RANBP17: variants seen among roughly 807,000 people sequenced by gnomAD.
RANBP17 encodes ran-binding protein 17.
In RANBP17, 158 loss-of-function variants were observed where a neutral mutation model predicts 141.2. That is an observed-to-expected ratio of 1.12 (90% CI 0.98 to 1.28). The LOEUF is 1.28. Ranked by LOEUF, RANBP17 falls within the 50% of genes most tolerant of loss-of-function variation. RANBP17 has a pLI of 0.00. For missense variants in RANBP17, 1,438 were observed against 1,290.7 expected (o/e 1.11, Z -1.75); for synonymous variants, 430 against 450.0 (o/e 0.96, Z 0.56).
At chr5:170,947,472 A>G (rs899220560) in intron 12 of RANBP17, among the ~76,000 whole-genome samples, 2 of 152,156 alleles carry the variant, frequency 1.3e-5, no homozygotes, top group African/African-American at 4.8e-5. Flanking sequence ...GATTTAAAAT[A>G]ATGAAGCAAG....
Position 171,299,002 on chromosome 5 carries a change from G to A in RANBP17, c.*144G>A, listed in dbSNP as rs940834075. On this transcript the variant is annotated 3_prime_UTR_variant, in exon 28 of 28. Transcript: ENST00000523189. Reference sequence around the variant, plus strand: ...CAGCAAAAGCCCTAACTTCTTATACGTCTAGCCTAATTATAAGAATTTCTA... The same window carrying A: ...CAGCAAAAGCCCTAACTTCTTATACATCTAGCCTAATTATAAGAATTTCTA... The A allele has an allele frequency of 9.6e-6, 5 of 520,506 alleles. No homozygotes were observed. The highest frequency in any genetic ancestry group is 6.6e-5 in the Admixed American group (2 of 30,488). The allele number at this position is 520,506 out of a possible 1,614,324, so 32.2% of individuals were successfully genotyped here. A position where few individuals can be genotyped will look rare whatever the true frequency, so the allele number is the denominator to read the frequency against.
At position 171,060,768 on chromosome 5, in the gene RANBP17, A is replaced by G. The variant is rs1046642396; in HGVS notation, c.1710+92391A>G. On this transcript the variant is annotated intron_variant, in intron 14 of 27. Transcript: ENST00000523189. ...AGTTCCTCCTTGTACCTCTGGTAGA[A>G]TTCGGCTGTGAATCCATCTGGTCCT... is the stretch of plus-strand genomic sequence containing the variant. Among the ~76,000 whole-genome samples, 207 of 152,204 alleles carry G rather than the reference A, an allele frequency of 1.4e-3. 1 individual carries two copies. Among genetic ancestry groups the G allele is most frequent in the African/African-American group, 4.9e-3 (202 of 41,538 alleles).
At chr5:171,148,478 A>C (rs909805515) in intron 14 of RANBP17, among the ~76,000 whole-genome samples, 5 of 152,218 alleles carry the variant, frequency 3.3e-5, no homozygotes, top group Admixed American at 3.3e-4. Flanking sequence ...ACCCCATTTA[A>C]AGTACGAATT....
At chr5:171,181,598 A>C (rs1311693871) in intron 16 of RANBP17, among the ~76,000 whole-genome samples, 1 of 152,256 alleles carries the variant, frequency 6.6e-6, no homozygotes, top group East Asian at 1.9e-4. Flanking sequence ...ATTTTAAATA[A>C]GCAGGTATAT....
intron 18 of RANBP17, among the ~76,000 whole-genome samples, chr5:171,185,832 A>G (rs889693687): frequency 5.3e-5 from 8 of 152,246 alleles, no homozygotes; most frequent in Admixed American, 3.3e-4. Flanking sequence ...TCTTAGTGGT[A>G]TCCAGAATGG....
intron 14 of RANBP17, among the ~76,000 whole-genome samples, chr5:171,019,229 A>G (rs979927607): frequency 5.9e-5 from 9 of 151,948 alleles, no homozygotes; most frequent in Non-Finnish European, 1.3e-4. Context: ...TTTTTATGTC[A>G]TGTGTCTTCC....
intron 14 of RANBP17, among the ~76,000 whole-genome samples, chr5:170,991,440 G>A (rs536658941): frequency 2.6e-5 from 4 of 151,852 alleles, no homozygotes; most frequent in East Asian, 3.9e-4. Context: ...CACCGTATTC[G>A]GGTAGTCAGG....
Position 171,047,442 on chromosome 5 carries a change from G to T in RANBP17, c.1710+79065G>T, listed in dbSNP as rs201479479. ...GTCTTAACCCTTTTTTTTTTGTTTTGTTTTTTTTTTTTGAGATGGAGTCTC... is the reference window on the plus strand; with the variant it reads ...GTCTTAACCCTTTTTTTTTTGTTTTTTTTTTTTTTTTTGAGATGGAGTCTC... On this transcript the variant is annotated intron_variant, in intron 14 of 27. Coordinates refer to ENST00000523189, the MANE Select transcript of RANBP17 (RefSeq NM_022897.5). Among the ~76,000 whole-genome samples, 249 of 129,044 alleles carry T rather than the reference G, an allele frequency of 1.9e-3. 1 individual carries two copies. The highest frequency in any genetic ancestry group is 4.4e-3 in the Middle Eastern group (1 of 228). 84.7% of individuals were successfully genotyped at this position (129,044 alleles called of 152,430 possible). A position where few individuals can be genotyped will look rare whatever the true frequency, so the allele number is the denominator to read the frequency against.
chr5:171,247,442 G>A (rs1765275142), intron 24 of RANBP17, among the ~76,000 whole-genome samples: 1 of 152,092 alleles, frequency 6.6e-6, no homozygotes, highest in Non-Finnish European at 1.5e-5. Context: ...GGAATTTATT[G>A]GTATTGTTTG....
chr5:170,929,818 T>G (rs1229322166), intron 12 of RANBP17, among the ~76,000 whole-genome samples: 1 of 152,178 alleles, frequency 6.6e-6, no homozygotes, highest in Non-Finnish European at 1.5e-5. Context: ...ATAGAATTCG[T>G]CTGTGAAGCC....
At chr5:171,011,738 G>T (rs11746760) in intron 14 of RANBP17, among the ~76,000 whole-genome samples, 1 of 151,164 alleles carries the variant, frequency 6.6e-6, no homozygotes, top group East Asian at 1.9e-4. Flanking sequence ...ATACACAAAC[G>T]CAATACTATG....
intron 20 of RANBP17, chr5:171,206,938 A>T (rs1351233962): frequency 1.1e-5 from 2 of 182,910 alleles, no homozygotes; most frequent in Non-Finnish European, 2.3e-5. Flanking sequence ...AAAGTCTTAA[A>T]ATTCTCTTAA....
At chr5:171,137,598 GTGTGTGTC>G (rs1301264269) in intron 14 of RANBP17, among the ~76,000 whole-genome samples, 46 of 143,572 alleles carry the variant, frequency 3.2e-4, no homozygotes, top group African/African-American at 1.1e-3. Context: ...GTGTGTGTGT[GTGTGTGTC>G]TGTGTGTGTG....
Position 170,919,484 on chromosome 5 carries a change from T to C in RANBP17, c.1145T>C (p.Leu382Pro), listed in dbSNP as rs753559868. ...APNSVHYLLT[L>P]WQRMVASVPF... ...AACAGTGTTCATTATTTATTAACTC[T>C]GTGGCAAAGGATGGTAGCATCTGTT... Residue 382 changes from leucine (L) to proline (P), a missense_variant, in exon 11 of 28, where the codon CTG becomes CCG. Physicochemically the swap from Leu to Pro is moderately conservative, Grantham distance 98. Transcript: ENST00000523189. The C allele has an allele frequency of 5.6e-6, 9 of 1,609,664 alleles. No homozygotes were observed. The South Asian group carries it at 8.9e-5, about 16-fold the overall frequency.
At chr5:170,914,040 T>C (rs1326125959) in intron 7 of RANBP17, 127 bp from the exon 8 acceptor site, 1 of 648,428 alleles carries the variant, frequency 1.5e-6, no homozygotes, top group African/African-American at 1.8e-5. Context: ...GAATTAAAAA[T>C]AGGCCTAACT....
chr5:171,283,186 T>A (rs545720549), intron 25 of RANBP17, among the ~76,000 whole-genome samples: 1 of 152,316 alleles, frequency 6.6e-6, no homozygotes, highest in African/African-American at 2.4e-5. Context: ...AAAAGCCCCT[T>A]GTGTAAGCTT....
chr5:170,906,148 A>G (rs2127412785), intron 5 of RANBP17, among the ~76,000 whole-genome samples: 1 of 152,126 alleles, frequency 6.6e-6, no homozygotes, highest in East Asian at 1.9e-4. Context: ...TGAACACTGG[A>G]ATTATTCCCA....
chr5:170,894,603 G>A (rs1769953198), intron 4 of RANBP17, among the ~76,000 whole-genome samples: 1 of 151,240 alleles, frequency 6.6e-6, no homozygotes, highest in Non-Finnish European at 1.5e-5. Context: ...AGTATTAGCA[G>A]CTTTTGTGAA....
intron 14 of RANBP17, among the ~76,000 whole-genome samples, chr5:171,110,951 A>G (rs901671208): frequency 7.3e-4 from 110 of 151,244 alleles, no homozygotes; most frequent in African/African-American, 2.6e-3. Flanking sequence ...ATGCTGGTGC[A>G]CTGCACCCAC....
Sources: gnomAD v4.1 joint callset for allele counts (sites outside exome capture counted in the v4.1 genomes callset) on GRCh38, gnomAD v4.1.1 for gene constraint, MANE v1.5 for transcripts, NCBI Gene and HGNC (gene_info 2026-07-23, HGNC 2026-07-21) for gene names.